The following GALNT13 variants were observed in gnomAD, a reference collection of about 807,000 sequenced individuals.
GALNT13 encodes the protein UDP-GalNAc:polypeptide N-acetylgalactosaminyltransferase 13.
In GALNT13, 28 loss-of-function variants were observed where a neutral mutation model predicts 64.2. The ratio of observed to expected loss-of-function variants is 0.44; its 90% confidence interval spans 0.32 to 0.60. The LOEUF (loss-of-function observed/expected upper bound fraction) is 0.60, where lower values mean the gene tolerates loss of function less well. GALNT13 is among the 20% of genes least tolerant of loss of function. The pLI is 0.05. For missense variants in GALNT13, 577 were observed against 669.8 expected (o/e 0.86, Z 1.53); for synonymous variants, 214 against 224.6 (o/e 0.95, Z 0.42).
At chr2:153,729,737 T>A in the GALNT13 span, among the ~76,000 whole-genome samples, 1 of 151,656 alleles carries the variant, frequency 6.6e-6, no homozygotes, top group Non-Finnish European at 1.5e-5. Context: ...TCCTAAAGAG[T>A]CATCCAAAAG....
At chr2:154,141,531 G>T (rs917459095) in intron 4 of GALNT13, among the ~76,000 whole-genome samples, 1 of 151,740 alleles carries the variant, frequency 6.6e-6, no homozygotes, top group African/African-American at 2.4e-5. Context: ...AGGTCTATTC[G>T]GGGTCAGGAT....
chr2:153,243,901 AG>A, the GALNT13 span, among the ~76,000 whole-genome samples: 1 of 152,126 alleles, frequency 6.6e-6, no homozygotes, highest in Non-Finnish European at 1.5e-5. Flanking sequence ...AAAATTGTAT[AG>A]GGTTCTAAAA....
At chr2:153,269,251 C>T in the GALNT13 span, among the ~76,000 whole-genome samples, 1 of 152,186 alleles carries the variant, frequency 6.6e-6, no homozygotes, top group Non-Finnish European at 1.5e-5. Context: ...CTTTCAGAAT[C>T]AGCCAGGTAA....
At chr2:153,928,637 T>C (rs1229668225) in intron 2 of GALNT13, among the ~76,000 whole-genome samples, 3 of 152,186 alleles carry the variant, frequency 2.0e-5, no homozygotes, top group African/African-American at 4.8e-5. Context: ...AATTTTTAGG[T>C]TGATGAATAG....
chr2:153,324,913 T>C, the GALNT13 span, among the ~76,000 whole-genome samples: 1,379 of 152,296 alleles, frequency 9.1e-3, 26 homozygotes, highest in East Asian at 0.085. Context: ...TTTGCAAAAA[T>C]GTTCATCAGG....
chr2:153,450,339 C>T, the GALNT13 span, among the ~76,000 whole-genome samples: 8 of 152,114 alleles, frequency 5.3e-5, no homozygotes, highest in Admixed American at 5.2e-4. Context: ...TCCTCCCCAT[C>T]TTACTCAACA....
At chr2:153,979,501 A>G (rs373981854) in intron 3 of GALNT13, among the ~76,000 whole-genome samples, 1 of 152,170 alleles carries the variant, frequency 6.6e-6, no homozygotes, top group African/African-American at 2.4e-5. Flanking sequence ...AGTGACCTGA[A>G]TACATATTCC....
intron 10 of GALNT13, among the ~76,000 whole-genome samples, chr2:154,398,235 C>A (rs1217942002): frequency 1.3e-5 from 2 of 152,124 alleles, no homozygotes; most frequent in African/African-American, 4.8e-5. Flanking sequence ...TAGTAAACAT[C>A]GATTCCCTTT....
the GALNT13 span, among the ~76,000 whole-genome samples, chr2:153,485,743 A>G: frequency 6.6e-6 from 1 of 151,924 alleles, no homozygotes; most frequent in African/African-American, 2.4e-5. Context: ...TAAAAAAATA[A>G]AAAGGCTTTA....
intron 11 of GALNT13, among the ~76,000 whole-genome samples, chr2:154,419,677 T>TA (rs535233579): frequency 7.2e-5 from 11 of 152,214 alleles, no homozygotes; most frequent in African/African-American, 2.6e-4. Context: ...TCCATAATAT[T>TA]AAAAAACAGC....
chr2:153,151,633 T>C, the GALNT13 span, among the ~76,000 whole-genome samples: 17,595 of 152,016 alleles, frequency 0.12, 1,224 homozygotes, highest in Non-Finnish European at 0.16. Flanking sequence ...ATATACACCA[T>C]GAAATACTAT....
intron 2 of GALNT13, among the ~76,000 whole-genome samples, chr2:153,934,762 C>A (rs887262825): frequency 6.6e-6 from 1 of 152,124 alleles, no homozygotes; most frequent in Non-Finnish European, 1.5e-5. Flanking sequence ...AGACCAATAA[C>A]CTTAGATAAG....
chr2:153,495,533 A>G, the GALNT13 span, among the ~76,000 whole-genome samples: 1 of 152,216 alleles, frequency 6.6e-6, no homozygotes, highest in Non-Finnish European at 1.5e-5. Context: ...ATTTTGTTTC[A>G]TGAATTCAAA....
the GALNT13 span, among the ~76,000 whole-genome samples, chr2:153,733,426 TA>T: frequency 1.3e-5 from 2 of 152,142 alleles, no homozygotes; most frequent in Admixed American, 6.6e-5. Flanking sequence ...AAAGCTTCAA[TA>T]AATATATGTA....
chr2:153,788,369 A>T, the GALNT13 span, among the ~76,000 whole-genome samples: 1 of 152,082 alleles, frequency 6.6e-6, no homozygotes, highest in Admixed American at 6.6e-5. Context: ...AAGGAAAAAT[A>T]AGATCCTTTT....
chr2:153,979,507 A>G (rs1694309521), intron 3 of GALNT13, among the ~76,000 whole-genome samples: 1 of 152,166 alleles, frequency 6.6e-6, no homozygotes, highest in Non-Finnish European at 1.5e-5. Context: ...CTGAATACAT[A>G]TTCCTCTTCT....
chr2:154,201,557 A>G (rs1239144759), intron 4 of GALNT13, among the ~76,000 whole-genome samples: 1 of 152,108 alleles, frequency 6.6e-6, no homozygotes, highest in Non-Finnish European at 1.5e-5. Flanking sequence ...TAACTGTTTC[A>G]AACAGGTTTA....
chr2:153,677,201 A>G, the GALNT13 span, among the ~76,000 whole-genome samples: 4 of 151,970 alleles, frequency 2.6e-5, no homozygotes, highest in African/African-American at 7.2e-5. Flanking sequence ...AAATCAATGT[A>G]TAAAAATAGG....
At chr2:154,345,326 A>G (rs901895978) in intron 9 of GALNT13, among the ~76,000 whole-genome samples, 16 of 152,104 alleles carry the variant, frequency 1.1e-4, no homozygotes, top group African/African-American at 3.6e-4. Context: ...AAGCTCACCA[A>G]ATGGTTCAAC....
Sources: allele counts gnomAD v4.1 joint callset (sites outside exome capture counted in the v4.1 genomes callset), GRCh38; gene constraint gnomAD v4.1.1; transcripts MANE v1.5; gene names NCBI Gene and HGNC (gene_info 2026-07-23, HGNC 2026-07-21).